Variants in FHIT observed in about 807,000 individuals in gnomAD.
FHIT encodes bis(5'-adenosyl)-triphosphatase.
In FHIT, 19 loss-of-function variants were observed where a neutral mutation model predicts 17.9. The ratio of observed to expected loss-of-function variants is 1.06; its 90% confidence interval spans 0.74 to 1.56. The LOEUF is 1.56. Ranked by LOEUF, FHIT falls within the 40% of genes most tolerant of loss-of-function variation. The probability of loss-of-function intolerance (pLI) is 0.00; values close to 1 mark genes in which losing one functional copy is unlikely to be tolerated. For synonymous variants in FHIT, 81 were observed against 69.7 expected (o/e 1.16, Z -0.81); for missense variants, 248 against 189.2 (o/e 1.31, Z -1.82).
At chr3:60,672,422 G>A (rs1294042552) in intron 4 of FHIT, among the ~76,000 whole-genome samples, 1 of 152,032 alleles carries the variant, frequency 6.6e-6, no homozygotes, top group African/African-American at 2.4e-5. Context: ...GTGCTCAGTG[G>A]GGGTGCTTTT....
At chr3:61,155,704 T>C (rs1455574183) in intron 2 of FHIT, among the ~76,000 whole-genome samples, 1 of 152,226 alleles carries the variant, frequency 6.6e-6, no homozygotes. Flanking sequence ...ATAGAAGGCC[T>C]GAGGTTGCTA....
chr3:60,196,904 G>GT (rs920600128), intron 5 of FHIT, among the ~76,000 whole-genome samples: 1 of 151,690 alleles, frequency 6.6e-6, no homozygotes, highest in Non-Finnish European at 1.5e-5. Flanking sequence ...GCAAAAAGCC[G>GT]TATGGATCAT....
At chr3:60,000,140 T>C (rs1450356111) in intron 7 of FHIT, among the ~76,000 whole-genome samples, 1 of 152,178 alleles carries the variant, frequency 6.6e-6, no homozygotes, top group Non-Finnish European at 1.5e-5. Context: ...CATCCACAAC[T>C]AATGCATCTA....
intron 5 of FHIT, among the ~76,000 whole-genome samples, chr3:60,221,948 G>C (rs1405795109): frequency 2.0e-5 from 3 of 151,752 alleles, no homozygotes; most frequent in East Asian, 3.9e-4. Context: ...ATATAAATGT[G>C]GGTATGCACA....
At chr3:60,068,039 C>G (rs1702595624) in intron 5 of FHIT, among the ~76,000 whole-genome samples, 1 of 152,062 alleles carries the variant, frequency 6.6e-6, no homozygotes, top group Non-Finnish European at 1.5e-5. Flanking sequence ...AGTTTGAGAC[C>G]AGCCTGGTCA....
intron 5 of FHIT, among the ~76,000 whole-genome samples, chr3:60,285,240 C>T (rs1479963297): frequency 6.6e-6 from 1 of 152,004 alleles, no homozygotes; most frequent in Non-Finnish European, 1.5e-5. Flanking sequence ...TTTTTCACTC[C>T]ACCAAGCACC....
At chr3:59,798,058 C>A (rs753175041) in intron 8 of FHIT, among the ~76,000 whole-genome samples, 1 of 152,136 alleles carries the variant, frequency 6.6e-6, no homozygotes, top group Non-Finnish European at 1.5e-5. Context: ...GTGATTTCCT[C>A]TTCAACACCA....
intron 3 of FHIT, among the ~76,000 whole-genome samples, chr3:61,012,308 G>A (rs1165007325): frequency 6.6e-6 from 1 of 152,080 alleles, no homozygotes; most frequent in East Asian, 1.9e-4. Context: ...TGAATATCTT[G>A]AGTGACTGAG....
intron 5 of FHIT, among the ~76,000 whole-genome samples, chr3:60,457,540 AGCACCAAAAGCAATG>A (rs1420350253): frequency 2.6e-5 from 4 of 152,160 alleles, no homozygotes; most frequent in Non-Finnish European, 5.9e-5. Flanking sequence ...TCATGTCTAA[AGCACCAAAAGCAATG>A]GCAACAAAAG....
At position 60,849,441 on chromosome 3, in the gene FHIT, A is replaced by AACATAT. The variant is rs1553747602; in HGVS notation, c.-110-27431_-110-27430insATATGT. On this transcript the variant is annotated intron_variant, in intron 3 of 9. Transcript: ENST00000492590. ...AGGACTTTTGTTAATACAAAAATGA[A>AACATAT]ATATATATATATATATATATATAAA... 5.2e-4 allele frequency among the ~76,000 whole-genome samples: 72 copies of AACATAT among 137,700 alleles called. 1 individual carries two copies. The highest frequency in any genetic ancestry group is 1.9e-3 in the African/African-American group (70 of 36,422). The allele number at this position is 137,700 out of a possible 152,430, so 90.3% of individuals were successfully genotyped here. A position where few individuals can be genotyped will look rare whatever the true frequency, so the allele number is the denominator to read the frequency against.
chr3:60,590,876 A>G (rs1322074323), intron 4 of FHIT, among the ~76,000 whole-genome samples: 1 of 152,064 alleles, frequency 6.6e-6, no homozygotes, highest in Non-Finnish European at 1.5e-5. Context: ...AGGGCTCCTC[A>G]TCAAGCCTTG....
intron 5 of FHIT, among the ~76,000 whole-genome samples, chr3:60,279,687 A>T (rs1707337098): frequency 6.6e-6 from 1 of 152,168 alleles, no homozygotes; most frequent in Admixed American, 6.5e-5. Flanking sequence ...TAGCAAATCA[A>T]ATCTAATAAT....
intron 5 of FHIT, among the ~76,000 whole-genome samples, chr3:60,352,608 CCTCCGGCCTCAGGCTA>C (rs1258805625): frequency 6.6e-6 from 1 of 152,064 alleles, no homozygotes; most frequent in African/African-American, 2.4e-5. Flanking sequence ...TTCATGTGAT[CCTCCGGCCTCAGGCTA>C]CTGAGTAGCT....
intron 1 of FHIT, among the ~76,000 whole-genome samples, chr3:61,222,298 T>A (rs542204940): frequency 5.3e-5 from 8 of 152,180 alleles, no homozygotes; most frequent in Non-Finnish European, 8.8e-5. Context: ...AACACATTAG[T>A]CCTGCCTTCC....
chr3:59,903,265 T>C (rs1704417935), intron 8 of FHIT, among the ~76,000 whole-genome samples: 1 of 152,164 alleles, frequency 6.6e-6, no homozygotes, highest in Non-Finnish European at 1.5e-5. Context: ...GATTAGTAGT[T>C]TCCAGGGTTA....
At chr3:60,210,100 CAA>C (rs552155741) in intron 5 of FHIT, among the ~76,000 whole-genome samples, 50 of 151,550 alleles carry the variant, frequency 3.3e-4, no homozygotes, top group Non-Finnish European at 2.9e-4. Flanking sequence ...AAACAAAAAC[CAA>C]AAAAAAGTTT....
intron 3 of FHIT, among the ~76,000 whole-genome samples, chr3:61,015,225 G>C (rs1217309579): frequency 6.6e-6 from 1 of 152,072 alleles, no homozygotes; most frequent in African/African-American, 2.4e-5. Flanking sequence ...GGTAGAGAAA[G>C]ACTACTCGGG....
At chr3:59,987,901 G>A (rs1709056454) in intron 7 of FHIT, among the ~76,000 whole-genome samples, 3 of 152,046 alleles carry the variant, frequency 2.0e-5, no homozygotes, top group African/African-American at 4.8e-5. Context: ...GAAGCCTTAG[G>A]TACATTTTAG....
At chr3:60,253,036 A>T (rs1372935665) in intron 5 of FHIT, among the ~76,000 whole-genome samples, 1 of 152,028 alleles carries the variant, frequency 6.6e-6, no homozygotes, top group Non-Finnish European at 1.5e-5. Flanking sequence ...AATAAAAACA[A>T]ATAATAAAAT....
Sources: allele counts gnomAD v4.1 joint callset (sites outside exome capture counted in the v4.1 genomes callset), GRCh38; gene constraint gnomAD v4.1.1; transcripts MANE v1.5; gene names NCBI Gene and HGNC (gene_info 2026-07-23, HGNC 2026-07-21).